The following CDIN1 variants were observed in gnomAD, a reference collection of about 807,000 sequenced individuals.
The protein encoded by CDIN1 is CDAN1 interacting nuclease 1, also known as CDAN1-interacting nuclease 1.
In CDIN1, 33 loss-of-function variants were observed where a neutral mutation model predicts 45.3. The observed-to-expected ratio is 0.73, with a 90% CI of 0.55 to 0.97. The LOEUF is 0.97. Ranked by LOEUF, CDIN1 falls within the 50% of genes least tolerant of loss-of-function variation. The probability of loss-of-function intolerance (pLI) is 0.00; values close to 1 mark genes in which losing one functional copy is unlikely to be tolerated. For missense variants in CDIN1, 303 were observed against 339.4 expected (o/e 0.89, Z 0.84); for synonymous variants, 118 against 124.4 (o/e 0.95, Z 0.34).
intron 10 of CDIN1, among the ~76,000 whole-genome samples, chr15:36,781,644 G>A (rs992557649): frequency 6.6e-6 from 1 of 152,204 alleles, no homozygotes; most frequent in Non-Finnish European, 1.5e-5. Context: ...ATCCTTTTCA[G>A]TCCCATAAAG....
chr15:36,586,905 T>A (rs1485206506), intron 1 of CDIN1, among the ~76,000 whole-genome samples: 1 of 152,226 alleles, frequency 6.6e-6, no homozygotes, highest in African/African-American at 2.4e-5. Context: ...AGCCAAAGGA[T>A]TCGTTGAATA....
chr15:36,590,720 C>G (rs2037532399), intron 1 of CDIN1, among the ~76,000 whole-genome samples: 2 of 152,176 alleles, frequency 1.3e-5, no homozygotes, highest in Admixed American at 1.3e-4. Context: ...GATATAAACT[C>G]TGAACTTGTG....
chr15:36,629,781 C>G (rs538272598), intron 1 of CDIN1, among the ~76,000 whole-genome samples: 4 of 152,200 alleles, frequency 2.6e-5, no homozygotes, highest in East Asian at 1.9e-4. Context: ...TGAGGAGAGG[C>G]GGGTGCTTCT....
intron 8 of CDIN1, among the ~76,000 whole-genome samples, chr15:36,699,986 A>G (rs555506608): frequency 4.6e-4 from 70 of 152,308 alleles, no homozygotes; most frequent in African/African-American, 1.7e-3. Flanking sequence ...AATATTTTTC[A>G]TGTGCATATT....
At chr15:36,604,913 A>T (rs148687866) in intron 1 of CDIN1, among the ~76,000 whole-genome samples, 1 of 152,288 alleles carries the variant, frequency 6.6e-6, no homozygotes, top group East Asian at 1.9e-4. Flanking sequence ...TCTGACATAG[A>T]AAATATCTAA....
chr15:36,589,851 T>C (rs1210512327), intron 1 of CDIN1, among the ~76,000 whole-genome samples: 1 of 152,198 alleles, frequency 6.6e-6, no homozygotes, highest in Non-Finnish European at 1.5e-5. Context: ...AGATCCTGGA[T>C]TGTTTGGTCG....
rs917214250 is a variant in CDIN1, at chr15:36,809,798, A to G, written c.*1345A>G. On this transcript the variant is annotated 3_prime_UTR_variant, in exon 11 of 11. Transcript: ENST00000566621. ...TAAATATGTCATTTATACTTTGTTT[A>G]TTTTCTACCAAAGAAGGTTTGTAAA... 6.6e-6 allele frequency: 1 copy of G among 152,082 alleles called. No individual in the cohort carries two copies. Among genetic ancestry groups the G allele is most frequent in the South Asian group, 2.1e-4 (1 of 4,820 alleles). The allele number at this position is 152,082 out of a possible 1,614,324, so 9.4% of individuals were successfully genotyped here. A position where few individuals can be genotyped will look rare whatever the true frequency, so the allele number is the denominator to read the frequency against.
At chr15:36,701,759 C>T (rs1322190610) in intron 8 of CDIN1, among the ~76,000 whole-genome samples, 3 of 152,026 alleles carry the variant, frequency 2.0e-5, no homozygotes, top group Admixed American at 6.6e-5. Context: ...CCTGCCTCAC[C>T]CTCGCCCCCA....
intron 5 of CDIN1, among the ~76,000 whole-genome samples, chr15:36,673,725 A>G (rs1026352870): frequency 6.7e-6 from 1 of 150,062 alleles, no homozygotes; most frequent in African/African-American, 2.5e-5. Flanking sequence ...ATAAAGATGG[A>G]AAAAAAAAAT....
intron 1 of CDIN1, among the ~76,000 whole-genome samples, chr15:36,611,837 G>T (rs2038666392): frequency 6.6e-6 from 1 of 152,150 alleles, no homozygotes; most frequent in Admixed American, 6.5e-5. Flanking sequence ...AATGGTGTTT[G>T]TGAAATGAAG....
At chr15:36,691,615 A>G (rs1352333495) in intron 5 of CDIN1, 70 bp from the exon 6 acceptor site, 17 of 956,448 alleles carry the variant, frequency 1.8e-5, no homozygotes, top group African/African-American at 1.5e-4. Context: ...ATGTAGATAT[A>G]TGTCACTCCT....
intron 5 of CDIN1, among the ~76,000 whole-genome samples, chr15:36,669,833 T>G (rs62002323): frequency 0.11 from 16,881 of 152,128 alleles, 1,013 homozygotes; most frequent in Middle Eastern, 0.16. Flanking sequence ...TATCATTATA[T>G]CATATCAAGG....
At chr15:36,712,397 C>T (rs1021647024) in intron 10 of CDIN1, among the ~76,000 whole-genome samples, 4 of 150,494 alleles carry the variant, frequency 2.7e-5, no homozygotes, top group Non-Finnish European at 5.9e-5. Context: ...TCCCAGGTAG[C>T]TGGGATTACA....
At chr15:36,774,101 C>CCCCTT (rs2054146998) in intron 10 of CDIN1, among the ~76,000 whole-genome samples, 1 of 151,638 alleles carries the variant, frequency 6.6e-6, no homozygotes, top group South Asian at 2.1e-4. Context: ...CTTCCCACAC[C>CCCCTT]CCCAGGCACC....
intron 1 of CDIN1, among the ~76,000 whole-genome samples, chr15:36,581,277 A>G (rs1489620752): frequency 1.3e-5 from 2 of 152,210 alleles, no homozygotes; most frequent in African/African-American, 2.4e-5. Context: ...CTCACTATGT[A>G]TGCAATCACT....
At chr15:36,768,971 C>G (rs2053996603) in intron 10 of CDIN1, among the ~76,000 whole-genome samples, 2 of 152,030 alleles carry the variant, frequency 1.3e-5, no homozygotes, top group African/African-American at 4.8e-5. Flanking sequence ...GTAGAGAGAA[C>G]TGGCCTGAGA....
In CDIN1 at chr15:36,620,245, G is replaced by T. The variant is rs1430673381; in HGVS notation, c.102-24033G>T. ...GGGCGCCTGTAGGCCCAGCTACCCG[G>T]GAGGCTGAGGCAGGAGAATGGCGTG... On this transcript the variant is annotated intron_variant, in intron 1 of 10. Transcript: ENST00000566621. Among the ~76,000 whole-genome samples the T allele has an allele frequency of 3.3e-5, 5 of 152,134 alleles. No homozygotes were observed. In the South Asian group the frequency reaches 1.0e-3, roughly 32 times the overall value.
rs936969560 is a variant in CDIN1, at chr15:36,796,633, G to T, written c.717-11691G>T. On this transcript the variant is annotated intron_variant, in intron 10 of 10. Coordinates refer to ENST00000566621, the MANE Select transcript of CDIN1 (RefSeq NM_001321759.2). ...CTGCTCATGCAGTCAAGCCTCTTCT[G>T]TTCACCTCAGATGTTCATACATCGG... is the stretch of plus-strand genomic sequence containing the variant. Among the ~76,000 whole-genome samples the T allele has an allele frequency of 6.6e-5, 10 of 152,298 alleles. No individual in the cohort carries two copies. In the South Asian group the frequency reaches 2.1e-3, roughly 32 times the overall value.
chr15:36,685,185 T>G (rs1231164996), intron 5 of CDIN1, among the ~76,000 whole-genome samples: 1 of 150,840 alleles, frequency 6.6e-6, no homozygotes, highest in Non-Finnish European at 1.5e-5. Flanking sequence ...GTGTCAATTT[T>G]GGATCTTTCC....
Sources: gnomAD v4.1 joint callset for allele counts (sites outside exome capture counted in the v4.1 genomes callset) on GRCh38, gnomAD v4.1.1 for gene constraint, MANE v1.5 for transcripts, NCBI Gene and HGNC (gene_info 2026-07-23, HGNC 2026-07-21) for gene names.